Variants in SMARCC1 observed in about 807,000 individuals in gnomAD.
SMARCC1 encodes the protein SWI/SNF complex subunit SMARCC1.
Under a neutral mutation model 147.4 loss-of-function variants are expected in SMARCC1, and 43 were observed. The observed-to-expected ratio is 0.29, with a 90% confidence interval of 0.23 to 0.38. SMARCC1 has a LOEUF of 0.38. SMARCC1 is among the 10% of genes least tolerant of loss of function. SMARCC1 has a pLI of 1.00. For missense variants in SMARCC1, 1,119 were observed against 1,381.1 expected (o/e 0.81, Z 3.01); for synonymous variants, 495 against 484.4 (o/e 1.02, Z -0.29).
intron 21 of SMARCC1, among the ~76,000 whole-genome samples, chr3:47,643,105 G>A (rs1205949529): frequency 6.6e-6 from 1 of 152,090 alleles, no homozygotes; most frequent in Non-Finnish European, 1.5e-5. Flanking sequence ...CGTAGAACCC[G>A]TCCACCACAA....
At position 47,586,813 on chromosome 3, in the gene SMARCC1, A is replaced by G. The variant is rs1037919007; in HGVS notation, c.*1396T>C. 1 of 152,614 alleles carries G rather than the reference A, an allele frequency of 6.6e-6. No homozygotes were observed. Among genetic ancestry groups the G allele is most frequent in the African/African-American group, 2.4e-5 (1 of 41,438 alleles). The allele number at this position is 152,614 out of a possible 1,614,324, so 9.5% of individuals were successfully genotyped here. On this transcript the variant is annotated 3_prime_UTR_variant, in exon 28 of 28. Coordinates refer to ENST00000254480, the MANE Select transcript of SMARCC1 (RefSeq NM_003074.4). ...CCTTTCCCCACACATGGAAGGACAG[A>G]AGGGAGGGAAGGACAAGAGGAAAAA...
intron 21 of SMARCC1, among the ~76,000 whole-genome samples, chr3:47,655,956 T>C (rs1249069268): frequency 6.6e-6 from 1 of 152,164 alleles, no homozygotes; most frequent in Non-Finnish European, 1.5e-5. Context: ...CTCATGCCTG[T>C]AATCCCAGCA....
At chr3:47,668,669 T>C (rs2033454582) in intron 19 of SMARCC1, among the ~76,000 whole-genome samples, 1 of 152,218 alleles carries the variant, frequency 6.6e-6, no homozygotes, top group East Asian at 1.9e-4. Flanking sequence ...GTATATTTGT[T>C]TAATAAAATA....
intron 7 of SMARCC1, 112 bp downstream of exon 7, chr3:47,720,554 T>C: frequency 1.3e-6 from 1 of 769,310 alleles, no homozygotes. Flanking sequence ...GTGAGAAAAA[T>C]GACTAAACAC....
At chr3:47,626,774 T>C (rs1356750540) in intron 24 of SMARCC1, among the ~76,000 whole-genome samples, 1 of 152,172 alleles carries the variant, frequency 6.6e-6, no homozygotes, top group Non-Finnish European at 1.5e-5. Flanking sequence ...CTTACAATCC[T>C]GCAAACTTTC....
chr3:47,638,236 GC>G (rs1222712451), intron 22 of SMARCC1, among the ~76,000 whole-genome samples: 1 of 152,084 alleles, frequency 6.6e-6, no homozygotes, highest in Admixed American at 6.6e-5. Context: ...GGGACTACAG[GC>G]ACCCACCACC....
intron 15 of SMARCC1, among the ~76,000 whole-genome samples, chr3:47,678,584 T>C (rs1457477032): frequency 6.6e-6 from 1 of 152,220 alleles, no homozygotes; most frequent in East Asian, 1.9e-4. Flanking sequence ...TGGTGGTAGT[T>C]AACTGCAGAA....
chr3:47,659,760 A>AGGGGGG (rs71619691), intron 21 of SMARCC1, among the ~76,000 whole-genome samples: 8 of 47,778 alleles, frequency 1.7e-4, no homozygotes, highest in East Asian at 7.2e-4. Context: ...GAAAAAAAAA[A>AGGGGGG]GGGGGGGGGG....
intron 2 of SMARCC1, among the ~76,000 whole-genome samples, chr3:47,766,647 C>G (rs2034844441): frequency 6.6e-6 from 1 of 152,096 alleles, no homozygotes; most frequent in South Asian, 2.1e-4. Context: ...CGTACTAAAG[C>G]CTTGGAGGGC....
At chr3:47,645,989 G>A (rs2033116360) in intron 21 of SMARCC1, among the ~76,000 whole-genome samples, 1 of 152,106 alleles carries the variant, frequency 6.6e-6, no homozygotes, top group South Asian at 2.1e-4. Flanking sequence ...ATGTTGCTCA[G>A]ACCTGGCTCG....
intron 11 of SMARCC1, among the ~76,000 whole-genome samples, chr3:47,694,288 A>G (rs2033822914): frequency 6.6e-6 from 1 of 152,244 alleles, no homozygotes; most frequent in Admixed American, 6.5e-5. Flanking sequence ...AACTAGAGGT[A>G]CACATTTTAA....
intron 2 of SMARCC1, among the ~76,000 whole-genome samples, chr3:47,767,193 A>AG (rs1303179557): frequency 3.4e-5 from 5 of 148,264 alleles, no homozygotes; most frequent in Admixed American, 3.4e-4. Flanking sequence ...CAAAAAGAAA[A>AG]AAAAAAAAAA....
At chr3:47,670,579 G>T in intron 19 of SMARCC1, 79 bp downstream of exon 19, 1 of 940,710 alleles carries the variant, frequency 1.1e-6, no homozygotes, top group Non-Finnish European at 1.8e-6. Context: ...GCGAGACCCT[G>T]CCTCTAAATA....
At chr3:47,596,566 CA>C (rs576365725) in intron 26 of SMARCC1, among the ~76,000 whole-genome samples, 158 of 122,652 alleles carry the variant, frequency 1.3e-3, no homozygotes, top group Non-Finnish European at 1.5e-3. Context: ...GACTCCGTCT[CA>C]AAAAAAAAAA....
intron 21 of SMARCC1, among the ~76,000 whole-genome samples, chr3:47,639,794 C>T (rs1243544152): frequency 6.6e-6 from 1 of 151,992 alleles, no homozygotes; most frequent in Non-Finnish European, 1.5e-5. Context: ...AGGGAAGAAA[C>T]AAAGACAAAC....
chr3:47,751,141 G>A (rs1175195443), intron 2 of SMARCC1, among the ~76,000 whole-genome samples: 1 of 151,744 alleles, frequency 6.6e-6, no homozygotes, highest in African/African-American at 2.4e-5. Context: ...TAGGTGATCC[G>A]CCCGCCTCAG....
At chr3:47,622,798 T>C (rs1278903608) in intron 24 of SMARCC1, among the ~76,000 whole-genome samples, 1 of 152,166 alleles carries the variant, frequency 6.6e-6, no homozygotes, top group Non-Finnish European at 1.5e-5. Context: ...GCAGACCTCA[T>C]GTGTGGAAAC....
At chr3:47,778,298 T>C (rs1191603120) in intron 1 of SMARCC1, among the ~76,000 whole-genome samples, 2 of 147,216 alleles carry the variant, frequency 1.4e-5, no homozygotes, top group African/African-American at 5.4e-5. Flanking sequence ...TGTTTTTGTT[T>C]TTTGTTTTGT....
At chr3:47,643,624 A>C (rs1465738452) in intron 21 of SMARCC1, among the ~76,000 whole-genome samples, 1 of 152,236 alleles carries the variant, frequency 6.6e-6, no homozygotes, top group Non-Finnish European at 1.5e-5. Flanking sequence ...TAAACTTTAA[A>C]AACAAAATTA....
Sources: allele counts gnomAD v4.1 joint callset (sites outside exome capture counted in the v4.1 genomes callset), GRCh38; gene constraint gnomAD v4.1.1; transcripts MANE v1.5; gene names NCBI Gene and HGNC (gene_info 2026-07-23, HGNC 2026-07-21).